Variants in KCNK1 observed in about 807,000 individuals in gnomAD.
The protein encoded by KCNK1 is potassium two pore domain channel subfamily K member 1, also known as potassium channel subfamily K member 1.
Under a neutral mutation model 22.2 loss-of-function variants are expected in KCNK1, and 10 were observed. The ratio of observed to expected loss-of-function variants is 0.45; its 90% CI spans 0.28 to 0.76. The LOEUF is 0.76. Ranked by LOEUF, KCNK1 falls within the 30% of genes least tolerant of loss-of-function variation. The pLI is 0.14. For missense variants in KCNK1, 378 were observed against 421.0 expected, an observed-to-expected ratio of 0.90 and a Z score of 0.89; for synonymous variants, 200 against 186.4, an observed-to-expected ratio of 1.07 and a Z score of -0.60.
At chr1:233,621,584 A>G (rs891131142) in intron 1 of KCNK1, among the ~76,000 whole-genome samples, 6 of 152,168 alleles carry the variant, frequency 3.9e-5, no homozygotes, top group African/African-American at 1.4e-4. Flanking sequence ...ACATGTTTCT[A>G]CTTAAGAAGG....
At chr1:233,622,628 G>T (rs564604006) in intron 1 of KCNK1, among the ~76,000 whole-genome samples, 36 of 152,248 alleles carry the variant, frequency 2.4e-4, no homozygotes, top group African/African-American at 5.5e-4. Flanking sequence ...TGATGCCCCC[G>T]ATCTGAGGCT....
intron 1 of KCNK1, among the ~76,000 whole-genome samples, chr1:233,636,060 C>T (rs1374715516): frequency 1.3e-5 from 2 of 152,114 alleles, no homozygotes; most frequent in East Asian, 1.9e-4. Flanking sequence ...TACCTAGTAT[C>T]GAGCTAAGAG....
chr1:233,638,660 G>T (rs1189088155), intron 1 of KCNK1, among the ~76,000 whole-genome samples: 3 of 152,222 alleles, frequency 2.0e-5, no homozygotes, highest in Non-Finnish European at 2.9e-5. Flanking sequence ...TTTTGGGGCT[G>T]AGTGGCCATA....
At chr1:233,665,973 A>T (rs2102910786) in intron 1 of KCNK1, among the ~76,000 whole-genome samples, 1 of 152,346 alleles carries the variant, frequency 6.6e-6, no homozygotes, top group African/African-American at 2.4e-5. Flanking sequence ...TGCTGTATAC[A>T]AGTGCTTGAT....
At chr1:233,668,153 A>G (rs915675407) in intron 2 of KCNK1, among the ~76,000 whole-genome samples, 1 of 152,214 alleles carries the variant, frequency 6.6e-6, no homozygotes, top group African/African-American at 2.4e-5. Flanking sequence ...AGTTGCAGTT[A>G]TAATGTACCT....
At chr1:233,631,322 C>G (rs1558110509) in intron 1 of KCNK1, 1 of 528,908 alleles carries the variant, frequency 1.9e-6, no homozygotes, top group East Asian at 5.5e-5. Flanking sequence ...GTGTGTTTAA[C>G]TGTTGGGGAA....
At chr1:233,618,849 A>G (rs1043642937) in intron 1 of KCNK1, among the ~76,000 whole-genome samples, 1 of 152,080 alleles carries the variant, frequency 6.6e-6, no homozygotes, top group African/African-American at 2.4e-5. Flanking sequence ...GCACCACTGT[A>G]CTCCAGCCTG....
At chr1:233,654,369 T>C (rs1538020) in intron 1 of KCNK1, among the ~76,000 whole-genome samples, 61,260 of 151,944 alleles carry the variant, frequency 0.4, 12,505 homozygotes, top group Admixed American at 0.46. Flanking sequence ...AACAAATTTT[T>C]TTAAAAAGCG....
chr1:233,630,493 T>A (rs1431707065), intron 1 of KCNK1: 1 of 152,194 alleles, frequency 6.6e-6, no homozygotes, highest in Non-Finnish European at 1.5e-5. Flanking sequence ...CTTAATATTT[T>A]CATTTTTGCT....
intron 1 of KCNK1, among the ~76,000 whole-genome samples, chr1:233,636,776 C>T (rs184897947): frequency 0.013 from 959 of 76,522 alleles, 50 homozygotes; most frequent in Admixed American, 0.11. Context: ...CAAGGGATCA[C>T]GAGAGAGGTG....
intron 1 of KCNK1, among the ~76,000 whole-genome samples, chr1:233,643,917 C>T (rs796168475): frequency 6.6e-6 from 1 of 152,218 alleles, no homozygotes; most frequent in South Asian, 2.1e-4. Context: ...AATTCTCAGA[C>T]AACTGTTGCA....
intron 1 of KCNK1, 23 bp downstream of exon 1, chr1:233,614,549 T>A: frequency 6.6e-7 from 1 of 1,523,560 alleles, no homozygotes; most frequent in Non-Finnish European, 8.9e-7. Flanking sequence ...GCGCGCCCCC[T>A]GGCCGCCCCG....
rs997257883 is a variant in KCNK1, at chr1:233,671,186, G to A, written c.752-85G>A. On this transcript the variant is annotated intron_variant, in intron 2 of 2. Coordinates refer to ENST00000366621, the MANE Select transcript of KCNK1 (RefSeq NM_002245.4). ...TTTATTCCTTAACAAACACTGTGTT[G>A]GCATGAGGTGGGGAGGTAAATCACT... 6 of 1,208,660 alleles carry A rather than the reference G, an allele frequency of 5.0e-6. No individual in the cohort carries two copies. The South Asian group carries it at 5.4e-5, about 11-fold the overall frequency. The allele number at this position is 1,208,660 out of a possible 1,614,324, so 74.9% of individuals were successfully genotyped here. A position where few individuals can be genotyped will look rare whatever the true frequency, so the allele number is the denominator to read the frequency against.
In KCNK1 at chr1:233,614,483, C is replaced by T. The variant is rs1192689902; in HGVS notation, c.312C>T (p.Phe104=). Residue 104 remains phenylalanine (F), a synonymous_variant, in exon 1 of 3, where the codon TTC becomes TTT. Transcript: ENST00000366621. ...CCTCGGGCAACTGGAACTGGGACTT[C>T]ACCTCCGCGCTCTTCTTCGCCAGCA... The part of the protein sequence containing the change: ...SNASGNWNWD[F]TSALFFASTV... 6.2e-6 allele frequency: 10 copies of T among 1,611,946 alleles called. No individual in the cohort carries two copies. Among genetic ancestry groups the T allele is most frequent in the Non-Finnish European group, 8.5e-6 (10 of 1,179,042 alleles).
At chr1:233,669,807 A>G (rs926973192) in intron 2 of KCNK1, among the ~76,000 whole-genome samples, 2 of 152,196 alleles carry the variant, frequency 1.3e-5, no homozygotes, top group East Asian at 3.8e-4. Flanking sequence ...AAAAATAGTA[A>G]TAAGAATAAT....
chr1:233,662,032 A>G (rs1658402736), intron 1 of KCNK1: 1 of 152,182 alleles, frequency 6.6e-6, no homozygotes, highest in African/African-American at 2.4e-5. Flanking sequence ...GATCCTGGAG[A>G]AATTTAAAGT....
intron 1 of KCNK1, among the ~76,000 whole-genome samples, chr1:233,646,007 A>G (rs1658086215): frequency 6.6e-6 from 1 of 152,134 alleles, no homozygotes; most frequent in Admixed American, 6.6e-5. Flanking sequence ...GGGAGGGACA[A>G]TTTGGGCTGA....
intron 1 of KCNK1, among the ~76,000 whole-genome samples, chr1:233,628,429 C>T (rs532992126): frequency 6.4e-4 from 98 of 152,232 alleles, no homozygotes; most frequent in Middle Eastern, 6.8e-3. Context: ...CACCTGCACA[C>T]GTACCCCCGA....
In KCNK1 at chr1:233,663,106, C is replaced by A. The variant is rs969965391; in HGVS notation, c.356-3489C>A. On this transcript the variant is annotated intron_variant, in intron 1 of 2. Transcript: ENST00000366621. Reference sequence around the variant, plus strand: ...ATTAAGCCGTCTACTGCAAACGAAGCGCTGTGTTGTAGTTGGTGCAGAGGG... The same window carrying A: ...ATTAAGCCGTCTACTGCAAACGAAGAGCTGTGTTGTAGTTGGTGCAGAGGG... Among the ~76,000 whole-genome samples, 3 of 152,110 alleles carry A rather than the reference C, an allele frequency of 2.0e-5. No individual in the cohort carries two copies. The South Asian group carries it at 6.2e-4, about 32-fold the overall frequency.
Sources: gnomAD v4.1 joint callset for allele counts (sites outside exome capture counted in the v4.1 genomes callset) on GRCh38, gnomAD v4.1.1 for gene constraint, MANE v1.5 for transcripts, NCBI Gene and HGNC (gene_info 2026-07-23, HGNC 2026-07-21) for gene names.